Variants in GOLGA3 observed in about 807,000 individuals in gnomAD.
GOLGA3 encodes the protein golgin subfamily A member 3.
In GOLGA3, 75 loss-of-function variants were observed where a neutral mutation model predicts 169.4. The ratio of observed to expected loss-of-function variants is 0.44; its 90% CI spans 0.37 to 0.54. GOLGA3 has a LOEUF of 0.54. Ranked by LOEUF, GOLGA3 falls within the 20% of genes least tolerant of loss-of-function variation. GOLGA3 has a pLI of 0.00. For synonymous variants in GOLGA3, 824 were observed against 822.4 expected, an observed-to-expected ratio of 1.00 and a Z score of -0.03; for missense variants, 1,899 against 1,930.0, an observed-to-expected ratio of 0.98 and a Z score of 0.30.
rs765464809 is a variant in GOLGA3, at chr12:132,786,432, C to T, written c.3030G>A (p.Leu1010=). 7 of 1,613,448 alleles carry T rather than the reference C, an allele frequency of 4.3e-6. No individual in the cohort carries two copies. The South Asian group carries it at 6.6e-5, about 15-fold the overall frequency. The change falls in exon 15 of 24, where the codon CTG becomes CTA. Residue 1010 remains leucine (L), a synonymous_variant. Coordinates refer to ENST00000450791, the MANE Select transcript of GOLGA3 (RefSeq NM_001389683.1). The part of the protein sequence containing the change: ...ENAVGILSRR[L]QEALAAKEAA... ...CCTCCTTGGCCGCGAGGGCCTCCTG[C>T]AGGCGGCGGCTGAGGATGCCCACGG...
rs1336326980 is a variant in GOLGA3, at chr12:132,804,193, C to A, written c.1597+523G>T. Reference sequence around the variant, plus strand: ...CATCCAGGGAGAAAAGGTTGCCAGACGGACAGTCAAGGAGCTGTTCTTGAA... The same window carrying A: ...CATCCAGGGAGAAAAGGTTGCCAGAAGGACAGTCAAGGAGCTGTTCTTGAA... On this transcript the variant is annotated intron_variant, in intron 7 of 23. Transcript: ENST00000450791. This position sits in a 1 kb window ranked among gnomAD's most constrained non-coding sequence, Gnocchi z 4.1. Among the ~76,000 whole-genome samples the A allele has an allele frequency of 6.6e-6, 1 of 152,192 alleles. No individual in the cohort carries two copies. The highest frequency in any genetic ancestry group is 2.4e-5 in the African/African-American group (1 of 41,436).
Position 132,776,654 on chromosome 12 carries a change from C to A in GOLGA3, c.3958G>T (p.Gly1320Trp). 1.2e-6 allele frequency: 2 copies of A among 1,612,346 alleles called. No individual in the cohort carries two copies. Among genetic ancestry groups the A allele is most frequent in the Non-Finnish European group, 1.7e-6 (2 of 1,179,044 alleles). Residue 1320 changes from glycine (G) to tryptophan (W), a missense_variant, in exon 21 of 24, where the codon GGG (glycine) becomes TGG (tryptophan). Transcript: ENST00000450791. The part of the protein sequence containing the change: ...TEQQGRKELE[G>W]LQQLLQNVKS... ...GGTACCTGCAGCAGCTGCTGTAGCC[C>A]TTCCAGTTCCTTCCTGCCCTGCTGC...
chr12:132,826,282 G>A (rs2136839300), intron 1 of GOLGA3: 4 of 1,019,390 alleles, frequency 3.9e-6, no homozygotes, highest in Non-Finnish European at 5.6e-6. Flanking sequence ...CAGCATCACG[G>A]CCACGGCCCA....
intron 8 of GOLGA3, 104 bp downstream of exon 8, chr12:132,801,663 A>C: frequency 8.8e-7 from 1 of 1,138,580 alleles, no homozygotes; most frequent in African/African-American, 1.5e-5. Flanking sequence ...TAAAAACAAA[A>C]ACATGCCTGT....
intron 1 of GOLGA3, among the ~76,000 whole-genome samples, chr12:132,822,856 A>C (rs1221968987): frequency 4.6e-5 from 7 of 152,180 alleles, no homozygotes; most frequent in Non-Finnish European, 5.9e-5. Flanking sequence ...CGGGAGGCGG[A>C]GGTTGCAGTG....
At chr12:132,826,566 G>T (rs1950424332) in intron 1 of GOLGA3, among the ~76,000 whole-genome samples, 1 of 151,786 alleles carries the variant, frequency 6.6e-6, no homozygotes, top group South Asian at 2.1e-4. Context: ...TCCCCTGCTG[G>T]TGTCCAAGCA....
At chr12:132,821,677 A>AC (rs1950220741) in intron 2 of GOLGA3, among the ~76,000 whole-genome samples, 1 of 151,102 alleles carries the variant, frequency 6.6e-6, no homozygotes, top group South Asian at 2.1e-4. Context: ...ACACGGTGAA[A>AC]CCCCGTCTCT....
intron 23 of GOLGA3, among the ~76,000 whole-genome samples, 160 bp from the exon 24 acceptor site, chr12:132,773,454 C>T (rs1049122945): frequency 1.8e-4 from 27 of 152,212 alleles, no homozygotes; most frequent in Admixed American, 9.2e-4. Context: ...TTCTCAGCAC[C>T]GTTCTCTACA....
rs746327674 is a variant in GOLGA3 at position 132,796,188 on chromosome 12, CT to C, written c.2132del (p.Gln711ArgfsTer12). On this transcript the variant is annotated frameshift_variant, in exon 11 of 24. Transcript: ENST00000450791. LOFTEE classifies it high-confidence loss of function. ...GGTGCTCCTGCTGCAAAGCCTCAAG[CT>C]GCTGGTCTCGCTGGAGTAAAGTCAA... ...VKLTLLQRDQQLEALQQEHLD... is the reference protein window; with the variant it reads ...VKLTLLQRDQXLEALQQEHLD... 2 of 1,599,170 alleles carry C rather than the reference CT, an allele frequency of 1.3e-6. No individual in the cohort carries two copies. The highest frequency in any genetic ancestry group is 3.3e-5 in the Admixed American group (2 of 59,766).
Position 132,787,924 on chromosome 12 carries a change from C to CA in GOLGA3, c.2811+1102_2811+1103insT, listed in dbSNP as rs1200042721. Among the ~76,000 whole-genome samples, 3 of 134,590 alleles carry CA rather than the reference C, an allele frequency of 2.2e-5. No individual in the cohort carries two copies. In the East Asian group the frequency reaches 8.2e-4, roughly 37 times the overall value. The allele number at this position is 134,590 out of a possible 152,430, so 88.3% of individuals were successfully genotyped here. A position where few individuals can be genotyped will look rare whatever the true frequency, so the allele number is the denominator to read the frequency against. ...CCCCAGGACCCTTCCCTGGACCCCC[C>CA]CCGGATGCCCTCCTCAGGATCAACT... On this transcript the variant is annotated intron_variant, in intron 13 of 23. Coordinates refer to ENST00000450791, the MANE Select transcript of GOLGA3 (RefSeq NM_001389683.1).
In GOLGA3 at chr12:132,769,661, T is replaced by C. The variant is rs978324998; in HGVS notation, c.*3444A>G. On this transcript the variant is annotated 3_prime_UTR_variant, in exon 24 of 24. Coordinates refer to ENST00000450791, the MANE Select transcript of GOLGA3 (RefSeq NM_001389683.1). ...CAAGTAGTGACATCGTGAAGTGCCC[T>C]AGCCTGTTGTGACACACGGTGTGGG... 6.6e-6 allele frequency: 1 copy of C among 152,186 alleles called. No homozygotes were observed. The highest frequency in any genetic ancestry group is 1.5e-5 in the Non-Finnish European group (1 of 68,032). The allele number at this position is 152,186 out of a possible 1,614,324, so 9.4% of individuals were successfully genotyped here.
intron 3 of GOLGA3, among the ~76,000 whole-genome samples, chr12:132,814,958 C>A (rs989698633): frequency 5.9e-5 from 9 of 152,310 alleles, no homozygotes; most frequent in Non-Finnish European, 1.2e-4. Context: ...CAGCAGACAC[C>A]GCCCGACGGC....
chr12:132,800,548 T>G (rs1435241041), intron 8 of GOLGA3, among the ~76,000 whole-genome samples: 2 of 152,168 alleles, frequency 1.3e-5, no homozygotes, highest in Non-Finnish European at 2.9e-5. Flanking sequence ...TGTATATTTG[T>G]AACTCTAGAT....
chr12:132,820,216 A>T (rs1490141272), intron 2 of GOLGA3, among the ~76,000 whole-genome samples: 1 of 151,624 alleles, frequency 6.6e-6, no homozygotes, highest in Non-Finnish European at 1.5e-5. Flanking sequence ...ACACGCATCG[A>T]TAGTCACCGC....
At chr12:132,819,196 T>C (rs1437317830) in intron 2 of GOLGA3, among the ~76,000 whole-genome samples, 2 of 152,128 alleles carry the variant, frequency 1.3e-5, no homozygotes, top group Non-Finnish European at 1.5e-5. Context: ...CCCACGTGCA[T>C]GCAGGACAGC....
rs112481038 is a variant in GOLGA3, at chr12:132,788,386, C to A, written c.2811+641G>T. Among the ~76,000 whole-genome samples, 929 of 152,312 alleles carry A rather than the reference C, an allele frequency of 6.1e-3. 7 individuals carry two copies. The highest frequency in any genetic ancestry group is 0.021 in the African/African-American group (880 of 41,556). On this transcript the variant is annotated intron_variant, in intron 13 of 23. Transcript: ENST00000450791. ...ATTTACTGTTGCTCTCCTGATTTCT[C>A]GTCTCACCTCCCGGTTCCTCAGCCT... is the stretch of plus-strand genomic sequence containing the variant.
chr12:132,782,610 C>T (rs1314911491), intron 16 of GOLGA3, 117 bp from the exon 17 acceptor site: 1 of 790,328 alleles, frequency 1.3e-6, no homozygotes, highest in Admixed American at 1.9e-5. Flanking sequence ...GGCGCAGAGG[C>T]TCACGCCTGT....
intron 4 of GOLGA3, 79 bp from the exon 5 acceptor site, chr12:132,808,628 G>T: frequency 8.8e-7 from 1 of 1,139,780 alleles, no homozygotes; most frequent in Non-Finnish European, 1.3e-6. Context: ...CAGAAAGGTG[G>T]CACCGATCAC....
chr12:132,814,047 G>A (rs76398420), intron 3 of GOLGA3, among the ~76,000 whole-genome samples: 9 of 127,498 alleles, frequency 7.1e-5, no homozygotes, highest in Admixed American at 1.7e-4. Flanking sequence ...TTTTTGAGAC[G>A]GAGTTTCATT....
Sources: allele counts gnomAD v4.1 joint callset (sites outside exome capture counted in the v4.1 genomes callset), GRCh38; gene constraint gnomAD v4.1.1; non-coding constraint Gnocchi (gnomAD v3.1); transcripts MANE v1.5; gene names NCBI Gene and HGNC (gene_info 2026-07-23, HGNC 2026-07-21).